The following ILKAP variants were observed in gnomAD, a reference collection of about 807,000 sequenced individuals.
ILKAP encodes the protein integrin-linked kinase-associated serine/threonine phosphatase 2C.
ILKAP carries 11 observed loss-of-function variants against 49.1 expected under a neutral mutation model. The ratio of observed to expected loss-of-function variants is 0.22; its 90% CI spans 0.14 to 0.37. The LOEUF is 0.37. Ranked by LOEUF, ILKAP falls within the 10% of genes least tolerant of loss-of-function variation. ILKAP has a pLI of 1.00. For synonymous variants in ILKAP, 186 were observed against 192.8 expected (o/e 0.96, Z 0.29); for missense variants, 363 against 510.8 (o/e 0.71, Z 2.79).
chr2:238,178,390 C>T (rs1289411020), intron 9 of ILKAP, among the ~76,000 whole-genome samples: 1 of 152,140 alleles, frequency 6.6e-6, no homozygotes, highest in African/African-American at 2.4e-5. Context: ...GGTCTCACTG[C>T]GTTGCCCAGG....
chr2:238,189,675 A>G (rs555286941), intron 4 of ILKAP, 178 bp downstream of exon 4: 4 of 513,334 alleles, frequency 7.8e-6, no homozygotes, highest in East Asian at 7.4e-5. Flanking sequence ...ATAGATGTAC[A>G]TGAAAAGTAG....
rs1559300225 is a variant in ILKAP at position 238,194,824 on chromosome 2, C to T, written c.102G>A (p.Pro34=). 2 of 1,614,068 alleles carry T rather than the reference C, an allele frequency of 1.2e-6. No individual in the cohort carries two copies. The highest frequency in any genetic ancestry group is 1.1e-5 in the South Asian group (1 of 91,072). Residue 34 remains proline, a synonymous_variant, in exon 2 of 12, where the codon CCG becomes CCA. Coordinates refer to ENST00000254654, the MANE Select transcript of ILKAP (RefSeq NM_030768.3). Reference sequence around the variant, plus strand: ...CTGTACCTGAGTCAGTACTGCTGGCCGGAGGGAGGTCATCAAAGAGCAGGG... The same window carrying T: ...CTGTACCTGAGTCAGTACTGCTGGCTGGAGGGAGGTCATCAAAGAGCAGGG... ...KGPLLFDDLP[P]ASSTDSGSGG... is the part of the protein sequence containing the mutation.
rs1269522470 is a variant in ILKAP, at chr2:238,203,608, G to T, written c.-55C>A. On this transcript the variant is annotated 5_prime_UTR_variant, in exon 1 of 12. Transcript: ENST00000254654. ...GACAGACACTCAGCCCGCGAGCAGC[G>T]GCCGGGCTCCACACCCCGGGCGGGC... The T allele has an allele frequency of 1.9e-6, 2 of 1,075,468 alleles. No homozygotes were observed. Among genetic ancestry groups the T allele is most frequent in the African/African-American group, 1.7e-5 (1 of 59,110 alleles). The allele number at this position is 1,075,468 out of a possible 1,614,324, so 66.6% of individuals were successfully genotyped here.
chr2:238,179,746 T>C (rs1398970096), intron 9 of ILKAP, among the ~76,000 whole-genome samples: 1 of 152,130 alleles, frequency 6.6e-6, no homozygotes, highest in Non-Finnish European at 1.5e-5. Context: ...TAAAAACATC[T>C]CATCTGAATC....
chr2:238,196,696 T>C (rs918194860), intron 1 of ILKAP, among the ~76,000 whole-genome samples: 5 of 152,234 alleles, frequency 3.3e-5, no homozygotes, highest in Non-Finnish European at 7.3e-5. Context: ...CCCGGGGTCT[T>C]TGCGTCAGAA....
At chr2:238,172,824 C>T (rs1020220708) in intron 10 of ILKAP, among the ~76,000 whole-genome samples, 3 of 152,186 alleles carry the variant, frequency 2.0e-5, no homozygotes, top group African/African-American at 7.2e-5. Context: ...CTTCCGGGAG[C>T]TTTCCTTGAC....
intron 9 of ILKAP, among the ~76,000 whole-genome samples, chr2:238,181,791 G>A (rs1267188131): frequency 6.6e-6 from 1 of 152,110 alleles, no homozygotes; most frequent in Non-Finnish European, 1.5e-5. Flanking sequence ...AAAAGTGACA[G>A]TATTTAAGAA....
At chr2:238,195,945 A>G (rs1694323685) in intron 1 of ILKAP, among the ~76,000 whole-genome samples, 1 of 143,322 alleles carries the variant, frequency 7.0e-6, no homozygotes, top group African/African-American at 2.6e-5. Flanking sequence ...CAGTAGGCTG[A>G]GGTGGGAGGA....
In ILKAP at chr2:238,170,531, A is replaced by AC; in HGVS notation, c.*4dup. On this transcript the variant is annotated 3_prime_UTR_variant, in exon 12 of 12. Transcript: ENST00000254654. ...CCATGCGTGCTCCTGGCCGCGCGCC[A>AC]CCCCTCAGTGCCCTATCCGCACCAC... The AC allele has an allele frequency of 6.3e-7, 1 of 1,586,286 alleles. No homozygotes were observed. The highest frequency in any genetic ancestry group is 1.1e-5 in the South Asian group (1 of 89,280).
chr2:238,203,399 C>CA, intron 1 of ILKAP, 100 bp downstream of exon 1: 1 of 438,288 alleles, frequency 2.3e-6, no homozygotes. Context: ...CCGCCCGCCG[C>CA]CTCCCAGCGC....
intron 10 of ILKAP, among the ~76,000 whole-genome samples, chr2:238,172,679 C>T (rs921370826): frequency 2.0e-5 from 3 of 152,196 alleles, no homozygotes; most frequent in African/African-American, 2.4e-5. Flanking sequence ...GCCAAGCAGG[C>T]GAGTGCCAAA....
chr2:238,173,470 G>A (rs1405601203), intron 10 of ILKAP, 64 bp downstream of exon 10: 1 of 1,580,736 alleles, frequency 6.3e-7, no homozygotes, highest in Non-Finnish European at 8.6e-7. Context: ...GATAGAAACT[G>A]GAAGTGAGGA....
rs576949236 is a variant in ILKAP, at chr2:238,197,569, A to G, written c.56-2699T>C. Among the ~76,000 whole-genome samples, 10 of 152,298 alleles carry G rather than the reference A, an allele frequency of 6.6e-5. 1 individual carries two copies. The South Asian group carries it at 2.1e-3, about 32-fold the overall frequency. ...AAGTCTTCTTTTACCCAGGTAATAA[A>G]TATATTTTCAGTTCTTGTAAGCATT... is the stretch of plus-strand genomic sequence containing the variant. On this transcript the variant is annotated intron_variant, in intron 1 of 11. Coordinates refer to ENST00000254654, the MANE Select transcript of ILKAP (RefSeq NM_030768.3).
At chr2:238,181,648 A>G (rs1363611608) in intron 9 of ILKAP, among the ~76,000 whole-genome samples, 5 of 143,772 alleles carry the variant, frequency 3.5e-5, no homozygotes, top group Admixed American at 7.2e-5. Flanking sequence ...TTTGAGATGG[A>G]GTCTCGCTCT....
At chr2:238,181,961 C>T in intron 9 of ILKAP, 104 bp downstream of exon 9, 1 of 1,247,880 alleles carries the variant, frequency 8.0e-7, no homozygotes, top group Non-Finnish European at 1.1e-6. Context: ...CCTCGTCACA[C>T]TGAAGACTAC....
In ILKAP at chr2:238,189,987, A is replaced by C; in HGVS notation, c.179-15T>G. The C allele has an allele frequency of 6.2e-7, 1 of 1,613,446 alleles. No individual in the cohort carries two copies. The highest frequency in any genetic ancestry group is 8.5e-7 in the Non-Finnish European group (1 of 1,179,666). ...GGCAAGAGAACCTGGAAATAAAGTAAAAGCCAGACAGAAACACAGCTGTAG... is the reference window on the plus strand; with the variant it reads ...GGCAAGAGAACCTGGAAATAAAGTACAAGCCAGACAGAAACACAGCTGTAG... On this transcript the variant is annotated splice_polypyrimidine_tract_variant and intron_variant, in intron 3 of 11. Coordinates refer to ENST00000254654, the MANE Select transcript of ILKAP (RefSeq NM_030768.3).
At chr2:238,194,553 T>A in intron 2 of ILKAP, 1 of 606,574 alleles carries the variant, frequency 1.6e-6, no homozygotes, top group East Asian at 2.8e-5. Context: ...TAAATTGTAC[T>A]TCAGGTAGTA....
Position 238,189,965 on chromosome 2 carries a change from A to C in ILKAP, c.186T>G (p.Leu62=), listed in dbSNP as rs1262375594. The part of the protein sequence containing the change: ...PPASSGDSGS[L]ATSISQMVKT... The stretch of plus-strand genomic sequence containing the variant: ...TTACCATCTGGGATATTGATGTGGC[A>C]AGAGAACCTGGAAATAAAGTAAAAG... The change falls in exon 4 of 12, where the codon CTT becomes CTG. Residue 62 remains leucine, a synonymous_variant. Transcript: ENST00000254654. 1.2e-6 allele frequency: 2 copies of C among 1,613,828 alleles called. No homozygotes were observed. The highest frequency in any genetic ancestry group is 3.3e-5 in the Admixed American group (2 of 59,992).
At chr2:238,184,744 T>TA (rs1553590361) in intron 6 of ILKAP, among the ~76,000 whole-genome samples, 2,838 of 150,220 alleles carry the variant, frequency 0.019, 88 homozygotes, top group African/African-American at 0.065. Context: ...TTTTTTTTTT[T>TA]ATAGAGATAG....
Sources: gnomAD v4.1 joint callset for allele counts (sites outside exome capture counted in the v4.1 genomes callset) on GRCh38, gnomAD v4.1.1 for gene constraint, MANE v1.5 for transcripts, NCBI Gene and HGNC (gene_info 2026-07-23, HGNC 2026-07-21) for gene names.